The following TRAPPC10 variants were observed in gnomAD, a reference collection of about 807,000 sequenced individuals.
TRAPPC10 encodes the protein TRAPP 130 kDa subunit.
TRAPPC10 carries 23 observed loss-of-function variants against 125.5 expected under a neutral mutation model. The ratio of observed to expected loss-of-function variants is 0.18; its 90% confidence interval spans 0.13 to 0.26. The LOEUF (loss-of-function observed/expected upper bound fraction) is 0.26. Ranked by LOEUF, TRAPPC10 falls within the 10% of genes least tolerant of loss-of-function variation. The pLI is 1.00. For missense variants in TRAPPC10, 1,123 were observed against 1,308.4 expected (o/e 0.86, Z 2.19); for synonymous variants, 509 against 518.0 (o/e 0.98, Z 0.24).
At position 44,032,158 on chromosome 21, in the gene TRAPPC10, AATGGAATGGAGAAGGT is replaced by A; in HGVS notation, c.139_149+5del. 1.9e-6 allele frequency: 3 copies of A among 1,613,870 alleles called. No homozygotes were observed. The highest frequency in any genetic ancestry group is 2.5e-6 in the Non-Finnish European group (3 of 1,179,878). ...TCTCTCAGCAGCTTCCAAGAGAACCAATGGAATGGAGAAGGTATGAGTTGTGTGTTTTTTGGCTGTA... is the reference window on the plus strand; with the variant it reads ...TCTCTCAGCAGCTTCCAAGAGAACCAATGAGTTGTGTGTTTTTTGGCTGTA... On this transcript the variant is annotated splice_donor_variant and coding_sequence_variant, in exon 2 of 23. Coordinates refer to ENST00000291574, the MANE Select transcript of TRAPPC10 (RefSeq NM_003274.5). LOFTEE classifies it high-confidence loss of function.
chr21:44,022,014 A>G (rs922123091), intron 1 of TRAPPC10, among the ~76,000 whole-genome samples: 7 of 150,848 alleles, frequency 4.6e-5, no homozygotes, highest in South Asian at 4.2e-4. Flanking sequence ...CACCCAGTCT[A>G]TGGCATTTTT....
intron 1 of TRAPPC10, among the ~76,000 whole-genome samples, chr21:44,018,649 A>C (rs1022807018): frequency 6.6e-6 from 1 of 151,278 alleles, no homozygotes; most frequent in African/African-American, 2.4e-5. Flanking sequence ...CAGTGAGCCG[A>C]GATCATGCCA....
At chr21:44,064,707 G>A (rs947398230) in intron 7 of TRAPPC10, among the ~76,000 whole-genome samples, 1 of 152,116 alleles carries the variant, frequency 6.6e-6, no homozygotes, top group Non-Finnish European at 1.5e-5. Flanking sequence ...TTATTTTTGT[G>A]TGCTTGGTTT....
intron 1 of TRAPPC10, among the ~76,000 whole-genome samples, chr21:44,023,025 CTTTTT>C (rs1028804319): frequency 1.1e-4 from 9 of 80,246 alleles, no homozygotes; most frequent in East Asian, 7.9e-4. Context: ...TTCCCTATGT[CTTTTT>C]TTTTTTTTTT....
intron 6 of TRAPPC10, chr21:44,062,516 T>C (rs113629408): frequency 0.024 from 23,459 of 984,412 alleles, 290 homozygotes; most frequent in Non-Finnish European, 0.027. Flanking sequence ...GACTGAAATG[T>C]GGGAGTGCCC....
chr21:44,031,581 G>T (rs1264667345), intron 1 of TRAPPC10, among the ~76,000 whole-genome samples: 1 of 152,176 alleles, frequency 6.6e-6, no homozygotes, highest in African/African-American at 2.4e-5. Context: ...GGAGTTATGG[G>T]GAAGACAGAA....
At chr21:44,062,951 G>GA in intron 6 of TRAPPC10, 1 of 1,294,386 alleles carries the variant, frequency 7.7e-7, no homozygotes, top group Non-Finnish European at 1.0e-6. Context: ...GAGTCTTAGG[G>GA]ATGTAAGTAA....
rs553046476 is a variant in TRAPPC10 at position 44,058,447 on chromosome 21, C to A, written c.679-656C>A. Among the ~76,000 whole-genome samples the A allele has an allele frequency of 1.1e-4, 16 of 152,190 alleles. No individual in the cohort carries two copies. In the East Asian group the frequency reaches 3.1e-3, roughly 29 times the overall value. On this transcript the variant is annotated intron_variant, in intron 5 of 22. Transcript: ENST00000291574. ...GATTTTGCAGGGCCTGGGGATGTCTCGAAAGGATTTAGGAGTCTCTTGAAT... is the reference window on the plus strand; with the variant it reads ...GATTTTGCAGGGCCTGGGGATGTCTAGAAAGGATTTAGGAGTCTCTTGAAT...
At chr21:44,020,016 A>G (rs1003694079) in intron 1 of TRAPPC10, among the ~76,000 whole-genome samples, 12 of 150,144 alleles carry the variant, frequency 8.0e-5, no homozygotes, top group Non-Finnish European at 1.5e-4. Flanking sequence ...CATTTGTTAC[A>G]TGGTGTTTAA....
chr21:44,051,782 A>G (rs569267350), intron 3 of TRAPPC10, among the ~76,000 whole-genome samples: 24 of 152,326 alleles, frequency 1.6e-4, no homozygotes, highest in African/African-American at 5.3e-4. Flanking sequence ...TACAGAGCTC[A>G]GAGGCTGTGG....
chr21:44,077,758 T>C lies in TRAPPC10; in HGVS notation c.1443T>C (p.Val481=). The C allele has an allele frequency of 6.2e-7, 1 of 1,611,348 alleles. No individual in the cohort carries two copies. Among genetic ancestry groups the C allele is most frequent in the Non-Finnish European group, 8.5e-7 (1 of 1,178,232 alleles). ...SIGRIRSAKF[V]GKDLAEFYMR... ...GGAGGATTCGATCTGCTAAGTTTGT[T>C]GGAAAAGATCTGGCAGAGTTTTACA... Residue 481 remains valine (V), a synonymous_variant, in exon 11 of 23, where the codon GTT becomes GTC. Coordinates refer to ENST00000291574, the MANE Select transcript of TRAPPC10 (RefSeq NM_003274.5).
intron 1 of TRAPPC10, among the ~76,000 whole-genome samples, chr21:44,022,644 T>C (rs970390414): frequency 3.9e-5 from 6 of 151,976 alleles, no homozygotes; most frequent in African/African-American, 1.5e-4. Flanking sequence ...AAATATTCAG[T>C]GTTTAAGTTT....
chr21:44,044,443 C>T lies in TRAPPC10; in HGVS notation c.285+6516C>T, dbSNP rs1343482054. Among the ~76,000 whole-genome samples the T allele has an allele frequency of 2.6e-5, 4 of 151,732 alleles. No individual in the cohort carries two copies. The East Asian group carries it at 7.7e-4, about 29-fold the overall frequency. Reference sequence around the variant, plus strand: ...TTGCTTTAGGACTTATAGAGTACATCTGTAACAGCATAATTCTTCCTTCAA... The same window carrying T: ...TTGCTTTAGGACTTATAGAGTACATTTGTAACAGCATAATTCTTCCTTCAA... On this transcript the variant is annotated intron_variant, in intron 3 of 22. Coordinates refer to ENST00000291574, the MANE Select transcript of TRAPPC10 (RefSeq NM_003274.5).
rs1022543347 is a variant in TRAPPC10, at chr21:44,032,184, G to A, written c.149+12G>A. ...ATGGAATGGAGAAGGTATGAGTTGTGTGTTTTTTGGCTGTATCCCTCTCTT... is the reference window on the plus strand; with the variant it reads ...ATGGAATGGAGAAGGTATGAGTTGTATGTTTTTTGGCTGTATCCCTCTCTT... On this transcript the variant is annotated intron_variant, in intron 2 of 22. Coordinates refer to ENST00000291574, the MANE Select transcript of TRAPPC10 (RefSeq NM_003274.5). 5 of 1,608,148 alleles carry A rather than the reference G, an allele frequency of 3.1e-6. No homozygotes were observed. In the East Asian group the frequency reaches 1.1e-4, roughly 36 times the overall value.
chr21:44,063,112 C>T lies in TRAPPC10; in HGVS notation c.791-426C>T, dbSNP rs773915695. The T allele has an allele frequency of 3.0e-4, 388 of 1,304,804 alleles. 1 individual carries two copies. Among genetic ancestry groups the T allele is most frequent in the Non-Finnish European group, 3.9e-4 (383 of 990,152 alleles). 80.8% of individuals were successfully genotyped at this position (1,304,804 alleles called of 1,614,324 possible). A position where few individuals can be genotyped will look rare whatever the true frequency, so the allele number is the denominator to read the frequency against. Reference sequence around the variant, plus strand: ...GGGAAATAAGGAAGGAATATGTAATCTAAGGAAGACCAAAAAACACCAGGA... The same window carrying T: ...GGGAAATAAGGAAGGAATATGTAATTTAAGGAAGACCAAAAAACACCAGGA... On this transcript the variant is annotated intron_variant, in intron 6 of 22. Transcript: ENST00000291574. This position sits in a 1 kb window ranked among gnomAD's most constrained non-coding sequence, Gnocchi z 4.4.
chr21:44,058,769 C>G (rs540221223), intron 5 of TRAPPC10, among the ~76,000 whole-genome samples: 1 of 152,174 alleles, frequency 6.6e-6, no homozygotes, highest in African/African-American at 2.4e-5. Flanking sequence ...AGGAACCAGC[C>G]GTCTGACCAG....
rs769746040 is a variant in TRAPPC10 at position 44,083,082 on chromosome 21, C to A, written c.2018C>A (p.Ala673Glu). 1.9e-6 allele frequency: 3 copies of A among 1,613,976 alleles called. No individual in the cohort carries two copies. Among genetic ancestry groups the A allele is most frequent in the Admixed American group, 1.7e-5 (1 of 59,994 alleles). Residue 673 changes from alanine (A) to glutamate (E), a missense_variant, in exon 14 of 23, where the codon GCG becomes GAG. Transcript: ENST00000291574. ...CCTGTATCCCAAAACAGTTTGCCCG[C>A]GCTGGAGTTGTATGAAATGTTTGAG... Reference protein sequence around the residue: ...PFPVSQNSLPALELYEMFERS... With the variant: ...PFPVSQNSLPELELYEMFERS...
At chr21:44,020,416 C>T (rs529772794) in intron 1 of TRAPPC10, among the ~76,000 whole-genome samples, 57 of 152,150 alleles carry the variant, frequency 3.7e-4, no homozygotes, top group African/African-American at 1.3e-3. Flanking sequence ...TGAGCCACCG[C>T]GCCTGGCCCA....
At chr21:44,066,975 T>C (rs2036498484) in intron 7 of TRAPPC10, among the ~76,000 whole-genome samples, 1 of 152,240 alleles carries the variant, frequency 6.6e-6, no homozygotes, top group African/African-American at 2.4e-5. Flanking sequence ...GAAGATACTT[T>C]CTTGAAGGCC....
Sources: gnomAD v4.1 joint callset for allele counts (sites outside exome capture counted in the v4.1 genomes callset) on GRCh38, gnomAD v4.1.1 for gene constraint, Gnocchi (gnomAD v3.1) non-coding constraint, MANE v1.5 for transcripts, NCBI Gene and HGNC (gene_info 2026-07-23, HGNC 2026-07-21) for gene names.